Variants in SPATS2 observed in about 807,000 individuals in gnomAD.
SPATS2 encodes spermatogenesis associated serine rich 2, also known as spermatogenesis-associated serine-rich protein 2.
Under a neutral mutation model 63.7 loss-of-function variants are expected in SPATS2, and 38 were observed. The observed-to-expected ratio is 0.60, with a 90% CI of 0.46 to 0.78. SPATS2 has a LOEUF of 0.78. Ranked by LOEUF, SPATS2 falls within the 30% of genes least tolerant of loss-of-function variation. SPATS2 has a pLI of 0.00. For synonymous variants in SPATS2, 207 were observed against 232.9 expected (o/e 0.89, Z 1.01); for missense variants, 588 against 666.2 (o/e 0.88, Z 1.29).
At chr12:49,437,301 T>C (rs1370346722) in intron 2 of SPATS2, among the ~76,000 whole-genome samples, 8 of 140,934 alleles carry the variant, frequency 5.7e-5, no homozygotes, top group Non-Finnish European at 1.1e-4. Context: ...CCTCACTTCC[T>C]AGATGGGATG....
At chr12:49,414,529 G>A (rs1299906398) in intron 2 of SPATS2, among the ~76,000 whole-genome samples, 2 of 152,104 alleles carry the variant, frequency 1.3e-5, no homozygotes, top group African/African-American at 2.4e-5. Context: ...CTGACTCTTG[G>A]TCTAAATAAA....
rs1299557258 is a variant in SPATS2, at chr12:49,494,997, G to T, written c.521G>T (p.Arg174Ile). The stretch of plus-strand genomic sequence containing the variant: ...TCTGCCATGCTAGATACGCTGGATA[G>T]AACAGGTGAGTTTATTAACAGATTT... ...PESAMLDTLD[R>I]TGSMLQNGVS... The change falls in exon 7 of 14, where the codon AGA (arginine) becomes ATA (isoleucine). Residue 174 changes from arginine to isoleucine, a missense_variant. By Grantham distance (97) the Arg-to-Ile change is moderately conservative. Coordinates refer to ENST00000552918, the MANE Select transcript of SPATS2 (RefSeq NM_023071.4). 1 of 1,579,426 alleles carries T rather than the reference G, an allele frequency of 6.3e-7. No individual in the cohort carries two copies. Among genetic ancestry groups the T allele is most frequent in the Admixed American group, 1.9e-5 (1 of 53,582 alleles).
chr12:49,388,410 G>A (rs537758428), intron 2 of SPATS2, among the ~76,000 whole-genome samples: 1 of 150,454 alleles, frequency 6.6e-6, no homozygotes, highest in African/African-American at 2.4e-5. Context: ...GTCTCTCTCT[G>A]TCACCCTGGC....
chr12:49,449,948 C>T (rs1169983620), intron 2 of SPATS2, among the ~76,000 whole-genome samples: 2 of 152,046 alleles, frequency 1.3e-5, no homozygotes, highest in African/African-American at 4.8e-5. Flanking sequence ...TTCTTTCTGT[C>T]AATTTTTGCT....
At position 49,469,226 on chromosome 12, in the gene SPATS2, A is replaced by T. The variant is rs187064914; in HGVS notation, c.25+8189A>T. ...CAGCCTGGCCAACATGGTGAAACCC[A>T]GTCTCTACCAAAAATTAGCTGGGCG... On this transcript the variant is annotated intron_variant, in intron 3 of 13. Transcript: ENST00000552918. 4.8e-4 allele frequency among the ~76,000 whole-genome samples: 72 copies of T among 149,268 alleles called. No homozygotes were observed. In the South Asian group the frequency reaches 0.013, roughly 26 times the overall value.
At chr12:49,422,361 T>C (rs920138943) in intron 2 of SPATS2, among the ~76,000 whole-genome samples, 1 of 152,220 alleles carries the variant, frequency 6.6e-6, no homozygotes, top group South Asian at 2.1e-4. Flanking sequence ...TAGTAGGCAG[T>C]AAATGTTAGT....
intron 9 of SPATS2, among the ~76,000 whole-genome samples, chr12:49,504,776 T>C (rs1244239727): frequency 6.8e-6 from 1 of 146,522 alleles, no homozygotes; most frequent in Non-Finnish European, 1.5e-5. Context: ...CTTTCTTTTT[T>C]TTTTTTTTTT....
intron 3 of SPATS2, among the ~76,000 whole-genome samples, chr12:49,473,881 G>A (rs1353787726): frequency 6.6e-6 from 1 of 152,174 alleles, no homozygotes; most frequent in African/African-American, 2.4e-5. Flanking sequence ...ATGCTTAAGT[G>A]GTATGAATTC....
chr12:49,408,336 T>G (rs1486147144), intron 2 of SPATS2, among the ~76,000 whole-genome samples: 1 of 148,596 alleles, frequency 6.7e-6, no homozygotes, highest in Non-Finnish European at 1.5e-5. Flanking sequence ...CACTGCAACC[T>G]CCGTCTCCTG....
At chr12:49,396,361 C>T (rs374913119) in intron 2 of SPATS2, among the ~76,000 whole-genome samples, 52 of 152,278 alleles carry the variant, frequency 3.4e-4, no homozygotes, top group Admixed American at 1.6e-3. Context: ...TTGTCTTCAT[C>T]GTGTTCTTAT....
At chr12:49,428,267 A>G (rs964255316) in intron 2 of SPATS2, among the ~76,000 whole-genome samples, 13 of 148,658 alleles carry the variant, frequency 8.7e-5, no homozygotes, top group Non-Finnish European at 1.6e-4. Context: ...AAAACAAACA[A>G]ACAAACAAAA....
At chr12:49,498,145 A>AAAAAAATATATATAT (rs66900382) in intron 8 of SPATS2, among the ~76,000 whole-genome samples, 28 of 98,948 alleles carry the variant, frequency 2.8e-4, no homozygotes, top group African/African-American at 8.8e-4. Context: ...AAAAAAAAAA[A>AAAAAAATATATATAT]ATATATATAT....
At chr12:49,396,843 C>T (rs1057274733) in intron 2 of SPATS2, among the ~76,000 whole-genome samples, 4 of 152,150 alleles carry the variant, frequency 2.6e-5, no homozygotes, top group Non-Finnish European at 4.4e-5. Flanking sequence ...TAACTCCTAG[C>T]GATTCAGGTA....
At chr12:49,521,907 C>T (rs1461242425) in intron 11 of SPATS2, among the ~76,000 whole-genome samples, 5 of 151,910 alleles carry the variant, frequency 3.3e-5, no homozygotes, top group Admixed American at 1.3e-4. Flanking sequence ...GGTTGCTTCC[C>T]GAGAATTCTG....
intron 2 of SPATS2, among the ~76,000 whole-genome samples, chr12:49,447,679 A>G (rs995998399): frequency 6.6e-6 from 1 of 152,122 alleles, no homozygotes; most frequent in African/African-American, 2.4e-5. Flanking sequence ...TTGATATCCT[A>G]CCCTTTTTAA....
At chr12:49,519,982 T>A (rs1269679144) in intron 11 of SPATS2, among the ~76,000 whole-genome samples, 2 of 142,628 alleles carry the variant, frequency 1.4e-5, no homozygotes, top group African/African-American at 2.5e-5. Flanking sequence ...GCCTGGCTAA[T>A]TTTTTTTTTT....
At chr12:49,503,153 C>T (rs1490624593) in intron 9 of SPATS2, among the ~76,000 whole-genome samples, 1 of 152,014 alleles carries the variant, frequency 6.6e-6, no homozygotes, top group Admixed American at 6.6e-5. Flanking sequence ...AGTTCAAGAC[C>T]AGCTTGGCCA....
intron 2 of SPATS2, among the ~76,000 whole-genome samples, chr12:49,445,909 G>GT (rs1243756421): frequency 6.6e-6 from 1 of 151,836 alleles, no homozygotes; most frequent in Non-Finnish European, 1.5e-5. Context: ...GTTTGTTTTT[G>GT]TTTTTGTTTT....
At chr12:49,486,799 A>G (rs1351305457) in intron 4 of SPATS2, among the ~76,000 whole-genome samples, 1 of 151,952 alleles carries the variant, frequency 6.6e-6, no homozygotes, top group Non-Finnish European at 1.5e-5. Context: ...AAAAGAAAAA[A>G]AAGAGAGAGA....
Sources: gnomAD v4.1 joint callset for allele counts (sites outside exome capture counted in the v4.1 genomes callset) on GRCh38, gnomAD v4.1.1 for gene constraint, MANE v1.5 for transcripts, NCBI Gene and HGNC (gene_info 2026-07-23, HGNC 2026-07-21) for gene names.